CTCFL: variants seen among roughly 807,000 people sequenced by gnomAD.
CTCFL encodes transcriptional repressor CTCFL.
In CTCFL, 36 loss-of-function variants were observed where a neutral mutation model predicts 67.4. The ratio of observed to expected loss-of-function variants is 0.53; its 90% CI spans 0.41 to 0.71. The LOEUF (loss-of-function observed/expected upper bound fraction) is 0.71, where lower values mean the gene tolerates loss of function less well. CTCFL is among the 30% of genes least tolerant of loss of function. The pLI, the probability that CTCFL is intolerant of heterozygous loss-of-function variation, is 0.00. For synonymous variants in CTCFL, 324 were observed against 302.3 expected, an observed-to-expected ratio of 1.07 and a Z score of -0.75; for missense variants, 786 against 835.2, an observed-to-expected ratio of 0.94 and a Z score of 0.73.
chr20:57,504,068 C>A lies in CTCFL; in HGVS notation c.1675-467G>T, dbSNP rs1222334916. ...CTCGGCTCACTGCAAGCTCCGCCTC[C>A]TGGGTTCACGTCATTCTCCTGCCTC... On this transcript the variant is annotated intron_variant, in intron 9 of 10. Coordinates refer to ENST00000243914, the MANE Select transcript of CTCFL (RefSeq NM_001386993.1). Among the ~76,000 whole-genome samples the A allele has an allele frequency of 2.6e-5, 4 of 152,072 alleles. No individual in the cohort carries two copies. The East Asian group carries it at 7.7e-4, about 29-fold the overall frequency.
chr20:57,513,532 T>A, intron 7 of CTCFL: 1 of 1,070,550 alleles, frequency 9.3e-7, no homozygotes, highest in Non-Finnish European at 1.1e-6. Flanking sequence ...TATCACCCAC[T>A]GGCATGAGAT....
intron 9 of CTCFL, chr20:57,507,142 C>T: frequency 1.4e-6 from 1 of 721,634 alleles, no homozygotes; most frequent in African/African-American, 1.9e-5. Context: ...TCATTCCCCA[C>T]TCGAGTGTGG....
intron 1 of CTCFL, chr20:57,524,597 A>G (rs2069710997): frequency 9.7e-7 from 1 of 1,029,866 alleles, no homozygotes; most frequent in African/African-American, 1.7e-5. Context: ...GGGCCTAGTA[A>G]GGTTTGGGCC....
rs773286354 is a variant in CTCFL at position 57,503,367 on chromosome 20, C to G, written c.1840+69G>C. 3 of 1,571,396 alleles carry G rather than the reference C, an allele frequency of 1.9e-6. No homozygotes were observed. The South Asian group carries it at 3.4e-5, about 18-fold the overall frequency. ...GACACATCCCCTGGACAGTAACACTCGGCACCCAGGATAGTCACAACCAGA... is the reference window on the plus strand; with the variant it reads ...GACACATCCCCTGGACAGTAACACTGGGCACCCAGGATAGTCACAACCAGA... On this transcript the variant is annotated intron_variant, in intron 10 of 10. Coordinates refer to ENST00000243914, the MANE Select transcript of CTCFL (RefSeq NM_001386993.1).
intron 1 of CTCFL, 34 bp from the exon 2 acceptor site, chr20:57,524,250 G>T (rs114907239): frequency 6.4e-7 from 1 of 1,569,376 alleles, no homozygotes. Context: ...TTTCCATAGG[G>T]GGGAGAAGGG....
At chr20:57,524,264 G>A in intron 1 of CTCFL, 48 bp from the exon 2 acceptor site, 2 of 1,553,308 alleles carry the variant, frequency 1.3e-6, no homozygotes, top group South Asian at 1.2e-5. Flanking sequence ...AGAAGGGGGT[G>A]GTATGAGGAG....
At chr20:57,520,374 T>C (rs544902235) in intron 3 of CTCFL, among the ~76,000 whole-genome samples, 1 of 152,280 alleles carries the variant, frequency 6.6e-6, no homozygotes, top group East Asian at 1.9e-4. Flanking sequence ...ACTTCAGATG[T>C]TGGAATCATC....
chr20:57,518,436 TTTGA>T, intron 5 of CTCFL: 1 of 1,108,566 alleles, frequency 9.0e-7, no homozygotes, highest in East Asian at 2.8e-5. Flanking sequence ...GCAAATACAT[TTTGA>T]TTTTGTGGCC....
chr20:57,510,154 T>C (rs1463700839), intron 8 of CTCFL, among the ~76,000 whole-genome samples: 2 of 152,234 alleles, frequency 1.3e-5, no homozygotes, highest in African/African-American at 4.8e-5. Flanking sequence ...ATTTTCACCT[T>C]TGGTAACCAA....
In CTCFL at chr20:57,515,735, G is replaced by A. The variant is rs1426082271; in HGVS notation, c.1159C>T (p.Arg387Cys). ...YASRDTYKLK[R>C]HMRTHSGEKP... ...TTACCTGAGTGCGTTCTCATGTGGC[G>A]TTTCAGCTTGTAGGTATCTCTGCTG... The change falls in exon 6 of 11, where the codon CGC (arginine) becomes TGC (cysteine). Residue 387 changes from arginine to cysteine, a missense_variant. By Grantham distance (180) the Arg-to-Cys change is radical (BLOSUM62 -3). Transcript: ENST00000243914. 15 of 1,614,150 alleles carry A rather than the reference G, an allele frequency of 9.3e-6. No individual in the cohort carries two copies. The highest frequency in any genetic ancestry group is 2.7e-5 in the African/African-American group (2 of 75,034).
intron 7 of CTCFL, chr20:57,513,807 G>A: frequency 2.3e-6 from 3 of 1,278,976 alleles, no homozygotes; most frequent in Non-Finnish European, 3.0e-6. Flanking sequence ...ACATATTTTT[G>A]TGTATCACAG....
chr20:57,510,583 G>A (rs1474679104), intron 8 of CTCFL, among the ~76,000 whole-genome samples: 5 of 152,180 alleles, frequency 3.3e-5, no homozygotes, highest in African/African-American at 7.2e-5. Flanking sequence ...AGCATTCGGG[G>A]CCAGGCGCGG....
At chr20:57,506,360 G>A (rs1003427575) in intron 9 of CTCFL, among the ~76,000 whole-genome samples, 5 of 152,206 alleles carry the variant, frequency 3.3e-5, no homozygotes, top group African/African-American at 1.2e-4. Flanking sequence ...CTGGACTGTA[G>A]TGGCACAGTC....
At chr20:57,511,920 C>T (rs979367417) in intron 8 of CTCFL, among the ~76,000 whole-genome samples, 11 of 152,144 alleles carry the variant, frequency 7.2e-5, no homozygotes, top group African/African-American at 2.2e-4. Context: ...AAAAAAATGT[C>T]CACCAACGCC....
downstream of CTCFL, chr20:57,496,318 G>A: frequency 2.9e-6 from 2 of 686,640 alleles, no homozygotes; most frequent in East Asian, 2.7e-5. Context: ...GGCCTCCCCA[G>A]AAGCCAGGCA....
chr20:57,515,336 G>C (rs2068838075), intron 6 of CTCFL: 1 of 208,830 alleles, frequency 4.8e-6, no homozygotes, highest in Non-Finnish European at 9.8e-6. Flanking sequence ...GTAGAGACAG[G>C]GTCTCCCTAT....
chr20:57,503,373 C>T, intron 10 of CTCFL, 63 bp downstream of exon 10: 1 of 1,590,606 alleles, frequency 6.3e-7, no homozygotes, highest in South Asian at 1.1e-5. Flanking sequence ...CACTCGGCAC[C>T]CAGGATAGTC....
At chr20:57,510,313 G>A (rs1407480268) in intron 8 of CTCFL, among the ~76,000 whole-genome samples, 1 of 152,056 alleles carries the variant, frequency 6.6e-6, no homozygotes, top group African/African-American at 2.4e-5. Context: ...AAGCAAACCT[G>A]GGGAATTCTT....
intron 9 of CTCFL, among the ~76,000 whole-genome samples, chr20:57,504,588 C>G (rs748234871): frequency 1.3e-5 from 2 of 151,732 alleles, no homozygotes; most frequent in Non-Finnish European, 3.0e-5. Context: ...GCCAAGATAA[C>G]ATCCTAACAT....
Sources: gnomAD v4.1 joint callset for allele counts (sites outside exome capture counted in the v4.1 genomes callset) on GRCh38, gnomAD v4.1.1 for gene constraint, MANE v1.5 for transcripts, NCBI Gene and HGNC (gene_info 2026-07-23, HGNC 2026-07-21) for gene names.